Variants in PLCB1 observed in about 807,000 individuals in gnomAD.
PLCB1 encodes the protein 1-phosphatidylinositol 4,5-bisphosphate phosphodiesterase beta-1.
PLCB1 carries 46 observed loss-of-function variants against 161.8 expected under a neutral mutation model. The ratio of observed to expected loss-of-function variants is 0.28; its 90% CI spans 0.22 to 0.36. The LOEUF (loss-of-function observed/expected upper bound fraction) is 0.36, where lower values mean the gene tolerates loss of function less well. PLCB1 is among the 10% of genes least tolerant of loss of function. The probability of loss-of-function intolerance (pLI) is 1.00; values close to 1 mark genes in which losing one functional copy is unlikely to be tolerated. For missense variants in PLCB1, 1,016 were observed against 1,472.5 expected (o/e 0.69, Z 5.07); for synonymous variants, 517 against 503.7 (o/e 1.03, Z -0.35).
At chr20:8,343,136 T>A (rs2719776) in intron 2 of PLCB1, among the ~76,000 whole-genome samples, 2 of 152,034 alleles carry the variant, frequency 1.3e-5, no homozygotes, top group Admixed American at 6.5e-5. Context: ...ACTTAATGTG[T>A]GTACCAAGCA....
chr20:8,434,101 A>G (rs777836701), intron 3 of PLCB1, among the ~76,000 whole-genome samples: 2 of 152,248 alleles, frequency 1.3e-5, no homozygotes, highest in African/African-American at 2.4e-5. Context: ...AAAAAAGCAC[A>G]ATAGGTGTGA....
intron 3 of PLCB1, among the ~76,000 whole-genome samples, chr20:8,517,006 G>C (rs944432639): frequency 6.6e-6 from 1 of 152,076 alleles, no homozygotes; most frequent in African/African-American, 2.4e-5. Flanking sequence ...CAAGGAGTGA[G>C]TTTAACCACT....
At chr20:8,338,734 G>T (rs139167559) in intron 2 of PLCB1, among the ~76,000 whole-genome samples, 1 of 152,250 alleles carries the variant, frequency 6.6e-6, no homozygotes, top group East Asian at 1.9e-4. Flanking sequence ...TAAACACAGC[G>T]TAGATTAAGA....
chr20:8,180,718 A>G (rs2051832077), intron 2 of PLCB1, among the ~76,000 whole-genome samples: 1 of 152,160 alleles, frequency 6.6e-6, no homozygotes, highest in Non-Finnish European at 1.5e-5. Context: ...ATTTGGGTTA[A>G]CTCAGAAGAA....
At chr20:8,701,826 G>A (rs1477665194) in intron 11 of PLCB1, among the ~76,000 whole-genome samples, 1 of 152,158 alleles carries the variant, frequency 6.6e-6, no homozygotes, top group Non-Finnish European at 1.5e-5. Flanking sequence ...CATCAGATAA[G>A]TGAATTTGTC....
Position 8,686,698 on chromosome 20 carries a change from G to T in PLCB1, c.1009+1620G>T, listed in dbSNP as rs146179133. Reference sequence around the variant, plus strand: ...CATTCTCCTTTTGAGAGACCAAATTGTCTCAACTTTGGTTAGTAGGAGACA... The same window carrying T: ...CATTCTCCTTTTGAGAGACCAAATTTTCTCAACTTTGGTTAGTAGGAGACA... On this transcript the variant is annotated intron_variant, in intron 10 of 31. Coordinates refer to ENST00000338037, the MANE Select transcript of PLCB1 (RefSeq NM_015192.4). 1.3e-3 allele frequency among the ~76,000 whole-genome samples: 200 copies of T among 152,146 alleles called. 2 individuals carry two copies. Among genetic ancestry groups the T allele is most frequent in the African/African-American group, 4.4e-3 (182 of 41,500 alleles).
chr20:8,560,601 T>C (rs894114781), intron 3 of PLCB1, among the ~76,000 whole-genome samples: 7 of 152,026 alleles, frequency 4.6e-5, no homozygotes, highest in African/African-American at 1.7e-4. Context: ...CTGAACTCCA[T>C]CTAAGCAAAG....
At chr20:8,739,206 A>G in intron 20 of PLCB1, 55 bp from the exon 21 acceptor site, 1 of 1,028,936 alleles carries the variant, frequency 9.7e-7, no homozygotes, top group Non-Finnish European at 1.5e-6. Flanking sequence ...CTTTCTAATT[A>G]TTTCTTGGAA....
intron 26 of PLCB1, among the ~76,000 whole-genome samples, chr20:8,771,695 C>T (rs1193630961): frequency 1.3e-5 from 2 of 151,938 alleles, no homozygotes; most frequent in Non-Finnish European, 2.9e-5. Context: ...CCAAAAAATC[C>T]CTTAGTACAT....
At chr20:8,553,907 C>G (rs1985860755) in intron 3 of PLCB1, among the ~76,000 whole-genome samples, 1 of 151,918 alleles carries the variant, frequency 6.6e-6, no homozygotes, top group Non-Finnish European at 1.5e-5. Flanking sequence ...GAGGCTGAGG[C>G]AGAATAATCA....
At chr20:8,621,529 G>T (rs1427547668) in intron 3 of PLCB1, among the ~76,000 whole-genome samples, 1 of 152,112 alleles carries the variant, frequency 6.6e-6, no homozygotes, top group East Asian at 1.9e-4. Context: ...ATTTAGCTTC[G>T]ACTCTTTGCT....
At chr20:8,779,011 A>C (rs1412692408) in intron 27 of PLCB1, among the ~76,000 whole-genome samples, 1 of 152,172 alleles carries the variant, frequency 6.6e-6, no homozygotes, top group African/African-American at 2.4e-5. Flanking sequence ...TCCCAGGCTA[A>C]ATTAGACAAA....
chr20:8,838,730 C>T (rs1248706582), intron 31 of PLCB1, among the ~76,000 whole-genome samples: 1 of 137,308 alleles, frequency 7.3e-6, no homozygotes, highest in Non-Finnish European at 1.6e-5. Flanking sequence ...TGGTGAGTCT[C>T]ACTATACTCC....
intron 26 of PLCB1, among the ~76,000 whole-genome samples, chr20:8,766,545 A>G (rs1219599519): frequency 2.0e-5 from 3 of 152,216 alleles, no homozygotes; most frequent in Non-Finnish European, 4.4e-5. Context: ...GTGAAACAGG[A>G]TGAGATCAGA....
chr20:8,162,275 TC>T (rs2051633076), intron 2 of PLCB1, among the ~76,000 whole-genome samples: 6 of 152,176 alleles, frequency 3.9e-5, no homozygotes, highest in Admixed American at 3.3e-4. Flanking sequence ...CTGTGTAAAT[TC>T]CATACTTAAT....
At chr20:8,179,087 T>C (rs1337140267) in intron 2 of PLCB1, among the ~76,000 whole-genome samples, 2 of 152,196 alleles carry the variant, frequency 1.3e-5, no homozygotes, top group Non-Finnish European at 2.9e-5. Flanking sequence ...AGCTTTGTTC[T>C]TTTGCTTAGG....
At chr20:8,551,071 T>C (rs1206654956) in intron 3 of PLCB1, among the ~76,000 whole-genome samples, 1 of 152,190 alleles carries the variant, frequency 6.6e-6, no homozygotes, top group Non-Finnish European at 1.5e-5. Flanking sequence ...ATAATTGAAT[T>C]AAGTATAATT....
chr20:8,424,948 C>T (rs573415253), intron 3 of PLCB1, among the ~76,000 whole-genome samples: 5 of 152,204 alleles, frequency 3.3e-5, no homozygotes, highest in East Asian at 1.9e-4. Flanking sequence ...TCAAATACCC[C>T]CTAGAAGTTT....
At chr20:8,577,451 A>C (rs1320485429) in intron 3 of PLCB1, among the ~76,000 whole-genome samples, 1 of 151,820 alleles carries the variant, frequency 6.6e-6, no homozygotes, top group Non-Finnish European at 1.5e-5. Context: ...AAAAAAAAAA[A>C]AAAAAGAATC....
Sources: allele counts gnomAD v4.1 joint callset (sites outside exome capture counted in the v4.1 genomes callset), GRCh38; gene constraint gnomAD v4.1.1; transcripts MANE v1.5; gene names NCBI Gene and HGNC (gene_info 2026-07-23, HGNC 2026-07-21).